The following BBS9 variants were observed in gnomAD, a reference collection of about 807,000 sequenced individuals.
BBS9 encodes the protein protein PTHB1.
In BBS9, 89 loss-of-function variants were observed where a neutral mutation model predicts 117.7. The ratio of observed to expected loss-of-function variants is 0.76; its 90% CI spans 0.64 to 0.90. The LOEUF is 0.90. Ranked by LOEUF, BBS9 falls within the 40% of genes least tolerant of loss-of-function variation. The pLI is 0.00. For synonymous variants in BBS9, 379 were observed against 370.9 expected (o/e 1.02, Z -0.25); for missense variants, 982 against 1,042.2 (o/e 0.94, Z 0.80).
In BBS9 at chr7:33,411,557, G is replaced by T. The variant is rs1437536588; in HGVS notation, c.2115+23413G>T. ...GATTTCAAGAAACAACGCAAAAATT[G>T]TGTATTTTTATTGCTTTTTATATAA... is the stretch of plus-strand genomic sequence containing the variant. On this transcript the variant is annotated intron_variant, in intron 19 of 22. Transcript: ENST00000242067. Among the ~76,000 whole-genome samples the T allele has an allele frequency of 4.6e-5, 7 of 152,168 alleles. No homozygotes were observed. The East Asian group carries it at 5.8e-4, about 13-fold the overall frequency.
Position 33,469,008 on chromosome 7 carries a change from T to G in BBS9, c.2116-36455T>G, listed in dbSNP as rs1544560. 7.7e-3 allele frequency among the ~76,000 whole-genome samples: 659 copies of G among 85,704 alleles called. 3 individuals are homozygous for G. The highest frequency in any genetic ancestry group is 0.027 in the African/African-American group (552 of 20,104). 56.2% of individuals were successfully genotyped at this position (85,704 alleles called of 152,430 possible). ...TTCAATCTACTGATTCCTTTTTTTT[T>G]TTTTTGTGAGAGACTACTTTTTTGA... On this transcript the variant is annotated intron_variant, in intron 19 of 22. Coordinates refer to ENST00000242067, the MANE Select transcript of BBS9 (RefSeq NM_198428.3).
chr7:33,291,984 A>G (rs552251529), intron 9 of BBS9, among the ~76,000 whole-genome samples: 1 of 152,178 alleles, frequency 6.6e-6, no homozygotes, highest in African/African-American at 2.4e-5. Flanking sequence ...GCTTATAGAA[A>G]GATGTTTCCT....
chr7:33,180,691 A>G (rs1797971657), intron 5 of BBS9, among the ~76,000 whole-genome samples: 1 of 152,090 alleles, frequency 6.6e-6, no homozygotes, highest in South Asian at 2.1e-4. Flanking sequence ...TCTTTTCGGC[A>G]CCGAGGACAA....
chr7:33,445,484 T>G (rs1836853197), intron 19 of BBS9, among the ~76,000 whole-genome samples: 1 of 152,218 alleles, frequency 6.6e-6, no homozygotes. Flanking sequence ...ACTTGTATGT[T>G]GATGCATAAA....
chr7:33,358,032 A>C, intron 16 of BBS9, 37 bp downstream of exon 16: 1 of 1,596,526 alleles, frequency 6.3e-7, no homozygotes, highest in Non-Finnish European at 8.6e-7. Context: ...CAGCATCAAA[A>C]ATGCTAAGAA....
chr7:33,331,263 C>T lies in BBS9; in HGVS notation c.1017-5178C>T, dbSNP rs545538662. Reference sequence around the variant, plus strand: ...CTCAATAAAATAGGCATAGAAGGGGCTTACCTCAAAGTAATAAAAGCCGTA... The same window carrying T: ...CTCAATAAAATAGGCATAGAAGGGGTTTACCTCAAAGTAATAAAAGCCGTA... On this transcript the variant is annotated intron_variant, in intron 9 of 22. Coordinates refer to ENST00000242067, the MANE Select transcript of BBS9 (RefSeq NM_198428.3). 1.4e-4 allele frequency among the ~76,000 whole-genome samples: 22 copies of T among 152,202 alleles called. 1 individual carries two copies. The South Asian group carries it at 4.4e-3, about 30-fold the overall frequency.
At chr7:33,600,753 G>A (rs1000337050) in intron 21 of BBS9, among the ~76,000 whole-genome samples, 1 of 152,074 alleles carries the variant, frequency 6.6e-6, no homozygotes, top group African/African-American at 2.4e-5. Context: ...GGCTCACTAT[G>A]GCTAAGGCTG....
chr7:33,528,604 A>G (rs926918961), intron 20 of BBS9, among the ~76,000 whole-genome samples: 4 of 152,208 alleles, frequency 2.6e-5, no homozygotes, highest in African/African-American at 7.2e-5. Context: ...ATATTTTCTC[A>G]TTTCATAGTC....
intron 14 of BBS9, among the ~76,000 whole-genome samples, chr7:33,352,327 C>CTTAG (rs143209342): frequency 0.026 from 3,960 of 152,172 alleles, 181 homozygotes; most frequent in African/African-American, 0.091. Flanking sequence ...TAGAAGATTA[C>CTTAG]TAATCATTGG....
intron 19 of BBS9, among the ~76,000 whole-genome samples, chr7:33,415,853 G>C (rs1408827019): frequency 6.6e-6 from 1 of 152,032 alleles, no homozygotes; most frequent in Non-Finnish European, 1.5e-5. Context: ...AAAATTTTTT[G>C]AGATAGGGTC....
intron 21 of BBS9, among the ~76,000 whole-genome samples, chr7:33,616,028 G>C (rs1280384695): frequency 6.6e-6 from 1 of 151,962 alleles, no homozygotes; most frequent in African/African-American, 2.4e-5. Flanking sequence ...CAGCAGACCA[G>C]CCTTGCAAGA....
At chr7:33,518,245 C>CTTTTTTTTTTTTTTTTTTTTTTTT (rs747829401) in intron 20 of BBS9, among the ~76,000 whole-genome samples, 1 of 93,930 alleles carries the variant, frequency 1.1e-5, no homozygotes, top group Non-Finnish European at 2.0e-5. Flanking sequence ...TGTATATATT[C>CTTTTTTTTTTTTTTTTTTTTTTTT]TTTTTTTTTT....
downstream of BBS9, among the ~76,000 whole-genome samples, chr7:33,607,446 G>A (rs1000601741): frequency 7.9e-5 from 12 of 151,800 alleles, no homozygotes; most frequent in Admixed American, 5.9e-4. Context: ...TAAATAAGAT[G>A]AATAAAAATT....
At position 33,388,143 on chromosome 7, in the gene BBS9, A is replaced by G. The variant is rs1448647488; in HGVS notation, c.2114A>G (p.Gln705Arg). The G allele has an allele frequency of 1.2e-6, 2 of 1,613,952 alleles. No homozygotes were observed. Among genetic ancestry groups the G allele is most frequent in the African/African-American group, 1.3e-5 (1 of 74,938 alleles). The change falls in exon 19 of 23, where the codon CAG (glutamine) becomes CGG (arginine). Residue 705 changes from glutamine to arginine, a missense_variant and splice_region_variant. Gln to Arg is a conservative substitution (Grantham distance 43, BLOSUM62 1). Transcript: ENST00000242067. ...ACCTTGTTAGATGGAACCTACAAGC[A>G]GGTCAGTATAATATCAGTAACAGTT... ...LDTLLDGTYKQVIALADAVEE... is the reference protein window; with the variant it reads ...LDTLLDGTYKRVIALADAVEE...
intron 5 of BBS9, among the ~76,000 whole-genome samples, chr7:33,207,079 A>C (rs1010180238): frequency 6.6e-6 from 1 of 152,152 alleles, no homozygotes; most frequent in African/African-American, 2.4e-5. Context: ...CTATATTATC[A>C]CATAGAAGCA....
At position 33,310,333 on chromosome 7, in the gene BBS9, C is replaced by A. The variant is rs529764149; in HGVS notation, c.1017-26108C>A. Among the ~76,000 whole-genome samples, 7 of 151,956 alleles carry A rather than the reference C, an allele frequency of 4.6e-5. No individual in the cohort carries two copies. In the East Asian group the frequency reaches 1.4e-3, roughly 29 times the overall value. On this transcript the variant is annotated intron_variant, in intron 9 of 22. Coordinates refer to ENST00000242067, the MANE Select transcript of BBS9 (RefSeq NM_198428.3). Reference sequence around the variant, plus strand: ...TGTCATTACACTATTTCTACTAATTCCAAAGCCTACTATATAGATTTTTAA... The same window carrying A: ...TGTCATTACACTATTTCTACTAATTACAAAGCCTACTATATAGATTTTTAA...
intron 18 of BBS9, among the ~76,000 whole-genome samples, chr7:33,385,456 G>C (rs1825840880): frequency 1.3e-5 from 2 of 152,144 alleles, no homozygotes; most frequent in Non-Finnish European, 2.9e-5. Flanking sequence ...ATTTTTGTCT[G>C]TATTATTCAT....
intron 19 of BBS9, among the ~76,000 whole-genome samples, chr7:33,405,725 T>G (rs1340487268): frequency 1.3e-5 from 2 of 152,194 alleles, no homozygotes; most frequent in African/African-American, 2.4e-5. Flanking sequence ...TCTATTTGAT[T>G]CTTCTCTCTT....
chr7:33,431,583 G>A (rs1834474171), intron 19 of BBS9, among the ~76,000 whole-genome samples: 1 of 152,194 alleles, frequency 6.6e-6, no homozygotes, highest in African/African-American at 2.4e-5. Flanking sequence ...CTTTTACCAT[G>A]TGGGAACACA....
Sources: gnomAD v4.1 joint callset for allele counts (sites outside exome capture counted in the v4.1 genomes callset) on GRCh38, gnomAD v4.1.1 for gene constraint, MANE v1.5 for transcripts, NCBI Gene and HGNC (gene_info 2026-07-23, HGNC 2026-07-21) for gene names.